The following OPCML variants were observed in gnomAD, a reference collection of about 807,000 sequenced individuals.
OPCML encodes opioid-binding protein/cell adhesion molecule.
In OPCML, 13 loss-of-function variants were observed where a neutral mutation model predicts 37.8. That is an observed-to-expected ratio of 0.34 (90% CI 0.22 to 0.55). The LOEUF (loss-of-function observed/expected upper bound fraction) is 0.55. Among genes scored for constraint, OPCML ranks in the 20% least tolerant of loss-of-function variants. The pLI, the probability that OPCML is intolerant of heterozygous loss-of-function variation, is 0.91. For synonymous variants in OPCML, 176 were observed against 168.8 expected (o/e 1.04, Z -0.33); for missense variants, 341 against 435.6 (o/e 0.78, Z 1.93).
chr11:132,620,113 G>A (rs1939311068), intron 3 of OPCML, among the ~76,000 whole-genome samples: 1 of 125,142 alleles, frequency 8.0e-6, no homozygotes, highest in Non-Finnish European at 1.7e-5. Context: ...CACTGTGTAA[G>A]CAATTTCACA....
intron 2 of OPCML, among the ~76,000 whole-genome samples, chr11:132,775,871 T>C (rs1946792562): frequency 6.6e-6 from 1 of 152,202 alleles, no homozygotes; most frequent in Non-Finnish European, 1.5e-5. Flanking sequence ...CCCTTAGATA[T>C]ATAAGTTAAA....
chr11:132,933,642 GA>G (rs1416865260), intron 2 of OPCML, among the ~76,000 whole-genome samples: 1 of 152,138 alleles, frequency 6.6e-6, no homozygotes, highest in African/African-American at 2.4e-5. Context: ...AGAGATAAAG[GA>G]GAAACATTCA....
rs1466936744 is a variant in OPCML at position 133,141,080 on chromosome 11, AAGAAGAAGAAGAAGG to A, written c.62-198085_62-198071del. On this transcript the variant is annotated intron_variant, in intron 1 of 7. Transcript: ENST00000524381. The stretch of plus-strand genomic sequence containing the variant: ...GAAGAAGAAGAAGAAGAAGAAGAAG[AAGAAGAAGAAGAAGG>A]AGAAGAAGAAGCAGCTGAATGCCAA... 4.4e-5 allele frequency among the ~76,000 whole-genome samples: 5 copies of A among 114,210 alleles called. 1 individual carries two copies. Among genetic ancestry groups the A allele is most frequent in the African/African-American group, 1.4e-4 (5 of 36,176 alleles). The allele number at this position is 114,210 out of a possible 152,430, so 74.9% of individuals were successfully genotyped here.
intron 1 of OPCML, chr11:133,009,031 A>T: frequency 1.0e-6 from 1 of 985,452 alleles, no homozygotes; most frequent in Non-Finnish European, 1.2e-6. Flanking sequence ...TCAAGTTTTG[A>T]TTACTTAAAC....
At chr11:132,595,648 T>C (rs2512712) in intron 3 of OPCML, among the ~76,000 whole-genome samples, 91,046 of 151,990 alleles carry the variant, frequency 0.6, 27,863 homozygotes, top group Admixed American at 0.7. Flanking sequence ...AGCCCCACAG[T>C]TAGGACCTGT....
At chr11:132,733,280 G>A (rs1043400034) in intron 2 of OPCML, among the ~76,000 whole-genome samples, 3 of 152,126 alleles carry the variant, frequency 2.0e-5, no homozygotes, top group East Asian at 1.9e-4. Flanking sequence ...GTAAGAAGGC[G>A]AAGGGAGGTA....
intron 1 of OPCML, among the ~76,000 whole-genome samples, chr11:133,207,162 T>A (rs564077021): frequency 4.1e-5 from 6 of 146,908 alleles, no homozygotes; most frequent in Admixed American, 1.4e-4. Flanking sequence ...TAACCAGGTG[T>A]GGTGGCGGGC....
intron 1 of OPCML, among the ~76,000 whole-genome samples, chr11:133,062,671 G>T (rs1208411132): frequency 6.6e-6 from 1 of 152,190 alleles, no homozygotes; most frequent in Non-Finnish European, 1.5e-5. Flanking sequence ...ACCCAAGACT[G>T]CCTGAGCGGC....
chr11:132,762,500 A>G (rs1946298707), intron 2 of OPCML, among the ~76,000 whole-genome samples: 1 of 152,232 alleles, frequency 6.6e-6, no homozygotes, highest in Non-Finnish European at 1.5e-5. Context: ...TCTTTCAGAA[A>G]TGCCCTGCCC....
intron 2 of OPCML, among the ~76,000 whole-genome samples, chr11:132,712,302 C>T (rs1793283): frequency 0.089 from 13,439 of 151,776 alleles, 696 homozygotes; most frequent in Non-Finnish European, 0.1. Context: ...GTGCCCCCAC[C>T]CTCCCCCACA....
chr11:133,026,988 G>A (rs1490144510), intron 1 of OPCML, among the ~76,000 whole-genome samples: 1 of 152,104 alleles, frequency 6.6e-6, no homozygotes, highest in African/African-American at 2.4e-5. Flanking sequence ...AGTTGAGCCA[G>A]GCCACAGAGG....
At chr11:132,844,018 C>A (rs1260618668) in intron 2 of OPCML, among the ~76,000 whole-genome samples, 1 of 152,160 alleles carries the variant, frequency 6.6e-6, no homozygotes, top group Non-Finnish European at 1.5e-5. Context: ...TTGTGCTGTT[C>A]TCATGATAGT....
chr11:132,490,868 A>G (rs2096213621), intron 4 of OPCML, among the ~76,000 whole-genome samples: 2 of 152,012 alleles, frequency 1.3e-5, no homozygotes, highest in Admixed American at 6.5e-5. Context: ...CCCGTGTCTA[A>G]AGATGTTTCA....
intron 1 of OPCML, among the ~76,000 whole-genome samples, chr11:133,168,858 G>A (rs991483652): frequency 6.6e-6 from 1 of 152,202 alleles, no homozygotes; most frequent in Non-Finnish European, 1.5e-5. Flanking sequence ...GCCAGGCACG[G>A]TGGCTCACTC....
At chr11:132,425,014 G>T (rs2095973436) in intron 7 of OPCML, among the ~76,000 whole-genome samples, 2 of 152,188 alleles carry the variant, frequency 1.3e-5, no homozygotes, top group Admixed American at 1.3e-4. Flanking sequence ...GGCACTGGGA[G>T]CCAGCCACAG....
At chr11:132,854,090 G>A (rs2136336984) in intron 2 of OPCML, among the ~76,000 whole-genome samples, 1 of 152,308 alleles carries the variant, frequency 6.6e-6, no homozygotes, top group Admixed American at 6.5e-5. Flanking sequence ...CTATAAATAG[G>A]GAATTACCAC....
At chr11:133,062,927 G>C (rs533872111) in intron 1 of OPCML, among the ~76,000 whole-genome samples, 1 of 152,358 alleles carries the variant, frequency 6.6e-6, no homozygotes, top group Non-Finnish European at 1.5e-5. Flanking sequence ...GCAGCGCTGG[G>C]GACTGATCTG....
intron 1 of OPCML, among the ~76,000 whole-genome samples, chr11:133,340,434 C>G (rs1943839768): frequency 6.6e-6 from 1 of 152,174 alleles, no homozygotes; most frequent in Non-Finnish European, 1.5e-5. Flanking sequence ...TCTTTCAAGC[C>G]TGTACTTTTC....
intron 1 of OPCML, among the ~76,000 whole-genome samples, chr11:133,510,532 C>T (rs984968867): frequency 4.6e-5 from 7 of 152,132 alleles, no homozygotes; most frequent in African/African-American, 1.7e-4. Flanking sequence ...TTCTTCATGC[C>T]CCAGCACTAA....
Sources: allele counts gnomAD v4.1 joint callset (sites outside exome capture counted in the v4.1 genomes callset), GRCh38; gene constraint gnomAD v4.1.1; transcripts MANE v1.5; gene names NCBI Gene and HGNC (gene_info 2026-07-23, HGNC 2026-07-21).